Variants in SPTBN1 observed in about 807,000 individuals in gnomAD.
The protein encoded by SPTBN1 is spectrin beta, non-erythrocytic 1.
A neutral mutation model predicts 266.4 loss-of-function variants in SPTBN1; 32 were observed. That is an observed-to-expected ratio of 0.12 (90% CI 0.09 to 0.16). The LOEUF (loss-of-function observed/expected upper bound fraction) is 0.16, where lower values mean the gene tolerates loss of function less well. Ranked by LOEUF, SPTBN1 falls within the 10% of genes least tolerant of loss-of-function variation. The pLI is 1.00. For missense variants in SPTBN1, 2,296 were observed against 3,067.1 expected (o/e 0.75, Z 5.94); for synonymous variants, 1,336 against 1,162.2 (o/e 1.15, Z -3.04).
intron 4 of SPTBN1, among the ~76,000 whole-genome samples, chr2:54,615,652 T>G (rs1031651123): frequency 6.6e-6 from 1 of 152,196 alleles, no homozygotes. Flanking sequence ...TGGATTCACA[T>G]CCAGGCAGTC....
At chr2:54,642,279 G>A (rs1414493323) in intron 18 of SPTBN1, among the ~76,000 whole-genome samples, 3 of 152,140 alleles carry the variant, frequency 2.0e-5, no homozygotes, top group Non-Finnish European at 2.9e-5. Context: ...GCCTTTGTGC[G>A]GCTCTCTAGA....
chr2:54,657,258 AC>A (rs1316856180), intron 29 of SPTBN1, among the ~76,000 whole-genome samples: 1 of 151,848 alleles, frequency 6.6e-6, no homozygotes, highest in Non-Finnish European at 1.5e-5. Flanking sequence ...CTCCCTCTAA[AC>A]CCCCCAAAAT....
chr2:54,534,692 A>T (rs908187327), intron 2 of SPTBN1, among the ~76,000 whole-genome samples: 1 of 152,152 alleles, frequency 6.6e-6, no homozygotes, highest in Non-Finnish European at 1.5e-5. Context: ...TTCTGAAATC[A>T]GCTTGGATTC....
intron 6 of SPTBN1, 21 bp downstream of exon 6, chr2:54,617,709 C>T (rs768611226): frequency 1.5e-5 from 24 of 1,611,326 alleles, no homozygotes; most frequent in Non-Finnish European, 1.9e-5. Flanking sequence ...ACAAATCATC[C>T]TAGCAATCGT....
chr2:54,588,471 C>T (rs1675437824), intron 2 of SPTBN1, among the ~76,000 whole-genome samples: 1 of 152,102 alleles, frequency 6.6e-6, no homozygotes, highest in South Asian at 2.1e-4. Context: ...GCCTCAGGTG[C>T]TTTGGGATTC....
chr2:54,489,779 G>A (rs1024713663), intron 1 of SPTBN1, among the ~76,000 whole-genome samples: 4 of 152,170 alleles, frequency 2.6e-5, no homozygotes, highest in Admixed American at 1.3e-4. Context: ...TACAAAGAGC[G>A]TGCATACATT....
chr2:54,669,886 T>C lies in SPTBN1; in HGVS notation c.*1317T>C, dbSNP rs1464808073. On this transcript the variant is annotated 3_prime_UTR_variant, in exon 36 of 36. Coordinates refer to ENST00000356805, the MANE Select transcript of SPTBN1 (RefSeq NM_003128.3). ...TAGTTATACATTCAGGCTTTATCTTTTATTTATGAAAAAGTTACCAGAGCA... is the reference window on the plus strand; with the variant it reads ...TAGTTATACATTCAGGCTTTATCTTCTATTTATGAAAAAGTTACCAGAGCA... 6.6e-6 allele frequency: 1 copy of C among 152,212 alleles called. No homozygotes were observed. The allele number at this position is 152,212 out of a possible 1,614,324, so 9.4% of individuals were successfully genotyped here.
intron 7 of SPTBN1, among the ~76,000 whole-genome samples, chr2:54,619,647 A>G (rs1677861887): frequency 6.7e-6 from 1 of 148,860 alleles, no homozygotes; most frequent in Non-Finnish European, 1.5e-5. Flanking sequence ...AAAAAGTTTT[A>G]CCTTCTCACT....
At chr2:54,667,494 T>C in intron 34 of SPTBN1, 110 bp from the exon 35 acceptor site, 2 of 1,030,298 alleles carry the variant, frequency 1.9e-6, no homozygotes, top group South Asian at 1.5e-5. Flanking sequence ...GGTTGACGCT[T>C]CTGTTGTGAC....
intron 32 of SPTBN1, chr2:54,661,748 G>T (rs775254169): frequency 4.1e-6 from 4 of 985,398 alleles, no homozygotes; most frequent in Non-Finnish European, 4.8e-6. Flanking sequence ...ATATATATGT[G>T]TGTGTGTTTA....
chr2:54,654,241 GTGCCTGC>G (rs2104151859), intron 27 of SPTBN1, among the ~76,000 whole-genome samples: 1 of 152,270 alleles, frequency 6.6e-6, no homozygotes, highest in Admixed American at 6.5e-5. Context: ...TTATTTTTCT[GTGCCTGC>G]TTTTTGGATT....
intron 1 of SPTBN1, among the ~76,000 whole-genome samples, chr2:54,462,439 G>T (rs1440019652): frequency 6.6e-6 from 1 of 152,178 alleles, no homozygotes; most frequent in Non-Finnish European, 1.5e-5. Flanking sequence ...TGAAAGTAAT[G>T]TAATTACATT....
chr2:54,659,891 C>CAGAA, intron 31 of SPTBN1, 45 bp from the exon 32 acceptor site: 1 of 1,594,694 alleles, frequency 6.3e-7, no homozygotes, highest in Non-Finnish European at 8.6e-7. Flanking sequence ...TCCTCTTTCT[C>CAGAA]CTCTTCTTCC....
At chr2:54,501,570 G>A (rs1236737277) in intron 1 of SPTBN1, among the ~76,000 whole-genome samples, 2 of 152,214 alleles carry the variant, frequency 1.3e-5, no homozygotes, top group Non-Finnish European at 2.9e-5. Context: ...ACAGCCAGGT[G>A]TAGGTTTGTG....
chr2:54,652,618 ATCAGAAGGTACCACAT>A (rs1440605895), intron 26 of SPTBN1: 1 of 152,234 alleles, frequency 6.6e-6, no homozygotes, highest in African/African-American at 2.4e-5. Context: ...GGATCATAAA[ATCAGAAGGTACCACAT>A]TTATAATTTT....
At chr2:54,605,047 A>T (rs1384127242) in intron 3 of SPTBN1, among the ~76,000 whole-genome samples, 1 of 152,130 alleles carries the variant, frequency 6.6e-6, no homozygotes. Flanking sequence ...ATGGCCAATA[A>T]TGGAGGCAAG....
At chr2:54,599,063 T>G (rs758156471) in intron 2 of SPTBN1, 29 bp from the exon 3 acceptor site, 2 of 1,611,344 alleles carry the variant, frequency 1.2e-6, no homozygotes, top group Non-Finnish European at 1.7e-6. Context: ...CTGTGGTCAA[T>G]GGTAAAACAA....
chr2:54,598,532 A>C (rs1192648092), intron 2 of SPTBN1, among the ~76,000 whole-genome samples: 3 of 152,040 alleles, frequency 2.0e-5, no homozygotes, highest in African/African-American at 7.3e-5. Context: ...GTCATGAGTT[A>C]ATTTATCTTG....
chr2:54,536,189 G>C (rs1671590348), intron 2 of SPTBN1, among the ~76,000 whole-genome samples: 1 of 152,130 alleles, frequency 6.6e-6, no homozygotes, highest in Non-Finnish European at 1.5e-5. Flanking sequence ...TACCAAAGTG[G>C]ACCTGTGAGA....
Sources: allele counts gnomAD v4.1 joint callset (sites outside exome capture counted in the v4.1 genomes callset), GRCh38; gene constraint gnomAD v4.1.1; transcripts MANE v1.5; gene names NCBI Gene and HGNC (gene_info 2026-07-23, HGNC 2026-07-21).